Variants in GCC2 observed in about 807,000 individuals in gnomAD.
GCC2 encodes GRIP and coiled-coil domain containing 2.
In GCC2, 120 loss-of-function variants were observed where a neutral mutation model predicts 210.6. The observed-to-expected ratio is 0.57, with a 90% CI of 0.49 to 0.66. The LOEUF is 0.66. GCC2 is among the 30% of genes least tolerant of loss of function. The probability of loss-of-function intolerance (pLI) is 0.00; values close to 1 mark genes in which losing one functional copy is unlikely to be tolerated. For missense variants in GCC2, 1,868 were observed against 1,871.9 expected (o/e 1.00, Z 0.04); for synonymous variants, 703 against 652.7 (o/e 1.08, Z -1.17).
At chr2:108,476,277 C>G (rs1681519704) in intron 9 of GCC2, among the ~76,000 whole-genome samples, 2 of 151,990 alleles carry the variant, frequency 1.3e-5, no homozygotes, top group South Asian at 4.2e-4. Flanking sequence ...CCAGGCTGGT[C>G]TTGAACTCCT....
intron 4 of GCC2, among the ~76,000 whole-genome samples, chr2:108,457,853 C>T (rs939060857): frequency 6.6e-6 from 1 of 152,068 alleles, no homozygotes; most frequent in Non-Finnish European, 1.5e-5. Context: ...TTTTGATAGT[C>T]TTTTGTCATC....
chr2:108,504,663 A>G (rs1481408057), intron 22 of GCC2, among the ~76,000 whole-genome samples: 1 of 152,180 alleles, frequency 6.6e-6, no homozygotes, highest in African/African-American at 2.4e-5. Flanking sequence ...GACTTATGGT[A>G]AGTCAGTTTT....
intron 4 of GCC2, among the ~76,000 whole-genome samples, chr2:108,464,524 G>A (rs769784076): frequency 7.9e-5 from 12 of 152,182 alleles, no homozygotes; most frequent in Non-Finnish European, 1.8e-4. Flanking sequence ...CAGGGGTCAA[G>A]GGACCCTTCT....
At chr2:108,467,329 C>T (rs1680954818) in intron 4 of GCC2, among the ~76,000 whole-genome samples, 1 of 152,080 alleles carries the variant, frequency 6.6e-6, no homozygotes, top group African/African-American at 2.4e-5. Context: ...TACTAGTATC[C>T]AAAAATGGAA....
intron 22 of GCC2, among the ~76,000 whole-genome samples, chr2:108,504,930 G>T (rs952166704): frequency 1.3e-5 from 2 of 152,128 alleles, no homozygotes; most frequent in Non-Finnish European, 2.9e-5. Flanking sequence ...TAGGCTTTTT[G>T]ATCATCTCCA....
intron 18 of GCC2, among the ~76,000 whole-genome samples, chr2:108,490,560 A>G (rs1237898682): frequency 6.8e-6 from 1 of 146,526 alleles, no homozygotes; most frequent in East Asian, 2.1e-4. Context: ...AGAATTCTTC[A>G]TTGAGCATCT....
intron 4 of GCC2, among the ~76,000 whole-genome samples, chr2:108,459,108 C>T (rs1473192372): frequency 6.6e-6 from 1 of 152,010 alleles, no homozygotes; most frequent in Non-Finnish European, 1.5e-5. Flanking sequence ...TTTTGTGATA[C>T]AAAAAATCAC....
rs1366183315 is a variant in GCC2 at position 108,471,813 on chromosome 2, AC to A, written c.2485del (p.Lys830SerfsTer4). The A allele has an allele frequency of 6.2e-7, 1 of 1,613,358 alleles. No individual in the cohort carries two copies. Among genetic ancestry groups the A allele is most frequent in the African/African-American group, 1.3e-5 (1 of 74,900 alleles). On this transcript the variant is annotated frameshift_variant, in exon 6 of 23. Transcript: ENST00000309863. LOFTEE classifies it high-confidence loss of function. ...AAGAGAGTGTAGTTCAGTGTGAAGA[AC>A]TTAAGTCTTTATTGAGAGACTATGA... ...QEESVVQCEE[L>X]KSLLRDYEQE...
intron 15 of GCC2, 109 bp from the exon 16 acceptor site, chr2:108,486,402 T>C: frequency 1.1e-6 from 1 of 943,808 alleles, no homozygotes; most frequent in Non-Finnish European, 1.7e-6. Context: ...TACTTAATTA[T>C]GCCTTATATG....
At chr2:108,464,522 A>G (rs1452624028) in intron 4 of GCC2, among the ~76,000 whole-genome samples, 1 of 152,182 alleles carries the variant, frequency 6.6e-6, no homozygotes, top group African/African-American at 2.4e-5. Flanking sequence ...CACAGGGGTC[A>G]AGGGACCCTT....
intron 9 of GCC2, among the ~76,000 whole-genome samples, chr2:108,479,374 C>T (rs1284818971): frequency 1.3e-5 from 2 of 152,060 alleles, no homozygotes; most frequent in African/African-American, 4.8e-5. Flanking sequence ...GGCATGGTGG[C>T]TCACACCTGT....
chr2:108,468,246 A>G (rs542096681), intron 4 of GCC2, among the ~76,000 whole-genome samples: 2 of 151,994 alleles, frequency 1.3e-5, no homozygotes, highest in African/African-American at 2.4e-5. Context: ...TGTATTTTTT[A>G]GTAGAGACAG....
rs1374737591 is a variant in GCC2, at chr2:108,470,522, G to A, written c.1193G>A (p.Gly398Asp). 6.2e-7 allele frequency: 1 copy of A among 1,607,172 alleles called. No homozygotes were observed. The highest frequency in any genetic ancestry group is 8.5e-7 in the Non-Finnish European group (1 of 1,177,614). ...TTATTACTAGCTAAAGAAGAACAGG[G>A]CTGTGTAATTGAAAAATTAAAATCT... ...NELLLAKEEQ[G>D]CVIEKLKSEL... The change falls in exon 6 of 23, where the codon GGC becomes GAC. Residue 398 changes from glycine (G) to aspartate (D), a missense_variant. Coordinates refer to ENST00000309863, the MANE Select transcript of GCC2 (RefSeq NM_181453.4).
chr2:108,481,956 G>C (rs968588235), intron 10 of GCC2, 140 bp downstream of exon 10: 1 of 616,290 alleles, frequency 1.6e-6, no homozygotes, highest in Non-Finnish European at 2.8e-6. Flanking sequence ...CCACTTAGGA[G>C]AGAAGAATAA....
At chr2:108,465,951 T>TTCAAGCTGTTCTCCCTCAGTC (rs1214233558) in intron 4 of GCC2, among the ~76,000 whole-genome samples, 1 of 152,120 alleles carries the variant, frequency 6.6e-6, no homozygotes, top group Non-Finnish European at 1.5e-5. Flanking sequence ...GCTTCCCAGG[T>TTCAAGCTGTTCTCCCTCAGTC]TCAAGCTGTT....
In GCC2 at chr2:108,508,445, CTA is replaced by C. The variant is rs1267107620; in HGVS notation, c.*817_*818del. The C allele has an allele frequency of 1.9e-4, 3 of 15,668 alleles. No homozygotes were observed. Among genetic ancestry groups the C allele is most frequent in the African/African-American group, 2.6e-4 (1 of 3,790 alleles). 1.0% of individuals were successfully genotyped at this position (15,668 alleles called of 1,614,324 possible). A position where few individuals can be genotyped will look rare whatever the true frequency, so the allele number is the denominator to read the frequency against. The stretch of plus-strand genomic sequence containing the variant: ...CTAGAGCTGGCTAGTGTAACACTGA[CTA>C]TGAGTAGGTGGGCCCACACTTGAGT... On this transcript the variant is annotated 3_prime_UTR_variant, in exon 23 of 23. Coordinates refer to ENST00000309863, the MANE Select transcript of GCC2 (RefSeq NM_181453.4).
chr2:108,471,934 G>A lies in GCC2; in HGVS notation c.2605G>A (p.Glu869Lys). 2.5e-6 allele frequency: 4 copies of A among 1,601,878 alleles called. No homozygotes were observed. Among genetic ancestry groups the A allele is most frequent in the Non-Finnish European group, 3.4e-6 (4 of 1,176,842 alleles). ...SDLLEMKNAN[E>K]KTRLENQNLL... Reference sequence around the variant, plus strand: ...TCTTCTAGAAATGAAGAATGCTAATGAAAAAACAAGGCTTGAAAATCAGAA... The same window carrying A: ...TCTTCTAGAAATGAAGAATGCTAATAAAAAAACAAGGCTTGAAAATCAGAA... The change falls in exon 6 of 23, where the codon GAA becomes AAA. Residue 869 changes from glutamate (E) to lysine (K), a missense_variant. Glu to Lys is a moderately conservative substitution (Grantham distance 56, BLOSUM62 1). Around this residue, in one of 3 missense-constraint regions of GCC2, gnomAD observed 1,847 missense variants for 1,765.2 expected, o/e 1.05. Transcript: ENST00000309863.
At chr2:108,469,168 T>C in intron 5 of GCC2, 84 bp downstream of exon 5, 1 of 711,870 alleles carries the variant, frequency 1.4e-6, no homozygotes, top group Non-Finnish European at 2.4e-6. Context: ...TTAAAAAGCA[T>C]CTAATCTGAT....
chr2:108,466,741 G>A (rs1432233901), intron 4 of GCC2, among the ~76,000 whole-genome samples: 2 of 151,886 alleles, frequency 1.3e-5, no homozygotes, highest in African/African-American at 4.8e-5. Flanking sequence ...CAAAATGCTG[G>A]GATTACAGGC....
Sources: allele counts gnomAD v4.1 joint callset (sites outside exome capture counted in the v4.1 genomes callset), GRCh38; gene constraint gnomAD v4.1.1; regional missense constraint gnomAD v4.1.1; transcripts MANE v1.5; gene names NCBI Gene and HGNC (gene_info 2026-07-23, HGNC 2026-07-21).